Variants in RP1 observed in about 807,000 individuals in gnomAD.
The protein encoded by RP1 is RP1 axonemal microtubule associated.
A neutral mutation model predicts 14.8 loss-of-function variants in RP1; 16 were observed. The ratio of observed to expected loss-of-function variants is 1.08; its 90% CI spans 0.73 to 1.65. RP1 has a LOEUF of 1.65. Ranked by LOEUF, RP1 falls within the 40% of genes most tolerant of loss-of-function variation. The probability of loss-of-function intolerance (pLI) is 0.00; values close to 1 mark genes in which losing one functional copy is unlikely to be tolerated. For synonymous variants in RP1, 876 were observed against 883.6 expected (o/e 0.99, Z 0.15); for missense variants, 2,631 against 2,535.0 (o/e 1.04, Z -0.81).
chr8:54,674,159 A>T (rs1807242315), intron 8 of RP1, among the ~76,000 whole-genome samples: 1 of 152,184 alleles, frequency 6.6e-6, no homozygotes, highest in African/African-American at 2.4e-5. Flanking sequence ...GGGCCTAAAT[A>T]CTAGAAAGAG....
Position 54,621,368 on chromosome 8 carries a change from C to G in RP1, c.402C>G (p.Ser134Arg), listed in dbSNP as rs921415953. Residue 134 changes from serine to arginine, a missense_variant, in exon 2 of 4, where the codon AGC (serine) becomes AGG (arginine). Coordinates refer to ENST00000220676, the MANE Select transcript of RP1 (RefSeq NM_006269.2). ...CCTGGCTCAGCAGCCGGGCCATTAG[C>G]GCGCACTCACCGCCCCACCCCGTAG... ...PRPWLSSRAISAHSPPHPVAV... is the reference protein window; with the variant it reads ...PRPWLSSRAIRAHSPPHPVAV... 2.5e-6 allele frequency: 4 copies of G among 1,612,630 alleles called. No homozygotes were observed. The African/African-American group carries it at 5.3e-5, about 22-fold the overall frequency.
intron 22 of RP1, among the ~76,000 whole-genome samples, chr8:54,769,115 C>T (rs896976552): frequency 2.6e-5 from 4 of 151,904 alleles, no homozygotes; most frequent in Admixed American, 2.0e-4. Context: ...AGGATGGTCT[C>T]GATCTCCTGA....
rs1236093976 is a variant in RP1 at position 54,621,231 on chromosome 8, A to G, written c.265A>G (p.Arg89Gly). ...GAGGAACATCAGCACCCCTCGGGGC[A>G]GGCACAGCATCACGCGCCTGGAGGA... is the stretch of plus-strand genomic sequence containing the variant. ...GVRNISTPRG[R>G]HSITRLEELE... is the part of the protein sequence containing the mutation. Residue 89 changes from arginine (R) to glycine (G), a missense_variant, in exon 2 of 4, where the codon AGG becomes GGG. By Grantham distance (125) the Arg-to-Gly change is moderately radical (BLOSUM62 -2). Coordinates refer to ENST00000220676, the MANE Select transcript of RP1 (RefSeq NM_006269.2). The G allele has an allele frequency of 6.2e-7, 1 of 1,614,018 alleles. No homozygotes were observed. The highest frequency in any genetic ancestry group is 1.3e-5 in the African/African-American group (1 of 74,908).
At chr8:54,710,265 G>A (rs931784495) in intron 15 of RP1, among the ~76,000 whole-genome samples, 3 of 152,200 alleles carry the variant, frequency 2.0e-5, no homozygotes, top group South Asian at 2.1e-4. Flanking sequence ...GGGAGCACGC[G>A]AGCAAACAAG....
At chr8:54,565,766 A>G (rs770776401) in intron 1 of RP1, among the ~76,000 whole-genome samples, 11 of 152,128 alleles carry the variant, frequency 7.2e-5, no homozygotes, top group Admixed American at 3.3e-4. Context: ...TACTTCCTAC[A>G]TTAGACTTTT....
In RP1 at chr8:54,628,445, C is replaced by A. The variant is rs150524359; in HGVS notation, c.4563C>A (p.Asn1521Lys). Residue 1521 changes from asparagine (N) to lysine (K), a missense_variant, in exon 4 of 4, where the codon AAC becomes AAA. Physicochemically the swap from Asn to Lys is moderately conservative, Grantham distance 94. Coordinates refer to ENST00000220676, the MANE Select transcript of RP1 (RefSeq NM_006269.2). The part of the protein sequence containing the change: ...SKNIMEEKRM[N>K]GIIYEIISKR... ...ATATTATGGAAGAAAAAAGAATGAACGGTATAATTTATGAAATAATCAGTA... is the reference window on the plus strand; with the variant it reads ...ATATTATGGAAGAAAAAAGAATGAAAGGTATAATTTATGAAATAATCAGTA... 1.2e-6 allele frequency: 2 copies of A among 1,613,100 alleles called. No individual in the cohort carries two copies. Among genetic ancestry groups the A allele is most frequent in the South Asian group, 1.1e-5 (1 of 91,004 alleles).
chr8:54,860,204 C>T (rs1337343178), intron 27 of RP1, among the ~76,000 whole-genome samples: 1 of 151,794 alleles, frequency 6.6e-6, no homozygotes. Context: ...GTTTACATGG[C>T]TAATTTACTC....
chr8:54,724,277 A>G (rs1243903625), intron 16 of RP1, among the ~76,000 whole-genome samples: 1 of 152,274 alleles, frequency 6.6e-6, no homozygotes, highest in Non-Finnish European at 1.5e-5. Context: ...CTAATATGAC[A>G]CTATAATAAT....
chr8:54,566,679 G>A (rs1447775053), intron 1 of RP1, among the ~76,000 whole-genome samples: 2 of 152,160 alleles, frequency 1.3e-5, no homozygotes, highest in African/African-American at 4.8e-5. Context: ...TGTAACCTGA[G>A]GCTGGCCAAG....
chr8:54,870,717 C>T (rs77824366), exon 29 of RP1: 7 of 152,272 alleles, frequency 4.6e-5, no homozygotes, highest in Non-Finnish European at 7.4e-5. Context: ...TTGCCAGCCC[C>T]GGAGAGGTCA....
chr8:54,699,323 T>C, intron 12 of RP1: 1 of 393,052 alleles, frequency 2.5e-6, no homozygotes, highest in Non-Finnish European at 4.5e-6. Flanking sequence ...AAACTGAACA[T>C]ACTGTGGAGA....
chr8:54,618,508 G>T (rs1170493720), intron 1 of RP1, among the ~76,000 whole-genome samples: 2 of 152,164 alleles, frequency 1.3e-5, no homozygotes, highest in East Asian at 3.9e-4. Flanking sequence ...GCCTCATGAT[G>T]CACCTACACC....
At chr8:54,727,474 A>G (rs1808683774) in intron 17 of RP1, among the ~76,000 whole-genome samples, 1 of 152,132 alleles carries the variant, frequency 6.6e-6, no homozygotes, top group Non-Finnish European at 1.5e-5. Flanking sequence ...TGGGGGATAG[A>G]TACTTTTTTA....
intron 17 of RP1, among the ~76,000 whole-genome samples, chr8:54,730,733 T>C (rs2129354454): frequency 6.6e-6 from 1 of 152,246 alleles, no homozygotes; most frequent in Non-Finnish European, 1.5e-5. Flanking sequence ...CCTTTGATTA[T>C]GTGATCCTGT....
At chr8:54,579,251 C>G (rs1437874373) in intron 1 of RP1, among the ~76,000 whole-genome samples, 1 of 152,168 alleles carries the variant, frequency 6.6e-6, no homozygotes, top group Non-Finnish European at 1.5e-5. Flanking sequence ...TAGCAACAGA[C>G]AGCCTCGTTT....
At chr8:54,837,616 G>A in exon 25 of RP1, 1 of 1,231,996 alleles carries the variant, frequency 8.1e-7, no homozygotes, top group East Asian at 3.2e-5. Flanking sequence ...GAAAATGATG[G>A]CGATCTATGG....
chr8:54,759,057 T>G (rs1047556786), exon 22 of RP1: 2 of 1,534,998 alleles, frequency 1.3e-6, no homozygotes, highest in African/African-American at 2.7e-5. Flanking sequence ...CACATCCGAG[T>G]CCATCTTTAC....
In RP1 at chr8:54,621,389, C is replaced by T. The variant is rs766819017; in HGVS notation, c.423C>T (p.Pro141=). 8 of 1,613,000 alleles carry T rather than the reference C, an allele frequency of 5.0e-6. No homozygotes were observed. The highest frequency in any genetic ancestry group is 2.2e-5 in the East Asian group (1 of 44,850). The change falls in exon 2 of 4, where the codon CCC becomes CCT. Residue 141 remains proline, a synonymous_variant. Coordinates refer to ENST00000220676, the MANE Select transcript of RP1 (RefSeq NM_006269.2). ...RAISAHSPPH[P]VAVAAPGMPR... ...TTAGCGCGCACTCACCGCCCCACCC[C>T]GTAGCCGTCGCTGCTCCCGGCATGC...
chr8:54,867,152 C>T, intron 28 of RP1, among the ~76,000 whole-genome samples: 1 of 152,168 alleles, frequency 6.6e-6, no homozygotes, highest in South Asian at 2.1e-4. Flanking sequence ...GTGAGGGACA[C>T]TCTTCAGATA....
Sources: gnomAD v4.1 joint callset for allele counts (sites outside exome capture counted in the v4.1 genomes callset) on GRCh38, gnomAD v4.1.1 for gene constraint, MANE v1.5 for transcripts, NCBI Gene and HGNC (gene_info 2026-07-23, HGNC 2026-07-21) for gene names.